ANKRD10: variants seen among roughly 807,000 people sequenced by gnomAD.
ANKRD10 encodes the protein ankyrin repeat domain 10.
Under a neutral mutation model 27.0 loss-of-function variants are expected in ANKRD10, and 14 were observed. That is an observed-to-expected ratio of 0.52 (90% CI 0.34 to 0.81). The LOEUF (loss-of-function observed/expected upper bound fraction) is 0.81, where lower values mean the gene tolerates loss of function less well. Among genes scored for constraint, ANKRD10 ranks in the 40% least tolerant of loss-of-function variants. The pLI is 0.01. For synonymous variants in ANKRD10, 250 were observed against 224.5 expected, an observed-to-expected ratio of 1.11 and a Z score of -1.01; for missense variants, 493 against 544.0, an observed-to-expected ratio of 0.91 and a Z score of 0.93.
chr13:110,887,384 G>A (rs183792978), intron 4 of ANKRD10, among the ~76,000 whole-genome samples: 1 of 152,234 alleles, frequency 6.6e-6, no homozygotes, highest in Non-Finnish European at 1.5e-5. Context: ...CCACTACAGA[G>A]GCTTATGGGA....
intron 2 of ANKRD10, among the ~76,000 whole-genome samples, chr13:110,910,057 G>C (rs188975199): frequency 2.0e-5 from 3 of 152,284 alleles, no homozygotes; most frequent in Admixed American, 1.3e-4. Context: ...ATGCGTGTGT[G>C]TTTGGTTTAG....
chr13:110,880,086 T>G lies in ANKRD10; in HGVS notation c.814A>C (p.Asn272His). 1 of 1,614,148 alleles carries G rather than the reference T, an allele frequency of 6.2e-7. No individual in the cohort carries two copies. The highest frequency in any genetic ancestry group is 1.7e-5 in the Admixed American group (1 of 60,030). Residue 272 changes from asparagine (N) to histidine (H), a missense_variant, in exon 6 of 6, where the codon AAT becomes CAT. Coordinates refer to ENST00000267339, the MANE Select transcript of ANKRD10 (RefSeq NM_017664.4). ...TDMKNSSSVS[N>H]TLTNGCVING... ...ATGACACATCCATTTGTCAATGTATTCGATACGGAGCTACTGTTTTTCATA... is the reference window on the plus strand; with the variant it reads ...ATGACACATCCATTTGTCAATGTATGCGATACGGAGCTACTGTTTTTCATA...
rs747548232 is a variant in ANKRD10 at position 110,893,105 on chromosome 13, T to A, written c.614A>T (p.His205Leu). 5.6e-6 allele frequency: 9 copies of A among 1,614,254 alleles called. No homozygotes were observed. The highest frequency in any genetic ancestry group is 7.6e-6 in the Non-Finnish European group (9 of 1,180,038). ...CTTTCGATTTGTTCCCACACTAATA[T>A]GATTAGGAAATACATTCTGATGACC... Reference protein sequence around the residue: ...NGGHQNVFPNHISVGTNRKRC... With the variant: ...NGGHQNVFPNLISVGTNRKRC... The change falls in exon 4 of 6, where the codon CAT becomes CTT. Residue 205 changes from histidine (H) to leucine (L), a missense_variant. By Grantham distance (99) the His-to-Leu change is moderately conservative (BLOSUM62 -3). Coordinates refer to ENST00000267339, the MANE Select transcript of ANKRD10 (RefSeq NM_017664.4).
At chr13:110,913,615 T>C (rs537749143) in intron 1 of ANKRD10, among the ~76,000 whole-genome samples, 4 of 152,340 alleles carry the variant, frequency 2.6e-5, no homozygotes, top group Non-Finnish European at 5.9e-5. Context: ...TTTGTGAATG[T>C]AGCACCAGGG....
At chr13:110,905,984 C>A (rs1203832489) in intron 3 of ANKRD10, 49 bp downstream of exon 3, 1 of 1,501,760 alleles carries the variant, frequency 6.7e-7, no homozygotes, top group South Asian at 1.2e-5. Flanking sequence ...TTAAACAAAA[C>A]ATCCTCAACT....
At chr13:110,900,536 A>AGTAT in intron 3 of ANKRD10, 1 of 1,336,020 alleles carries the variant, frequency 7.5e-7, no homozygotes, top group Non-Finnish European at 9.9e-7. Flanking sequence ...ATACCTCAAC[A>AGTAT]GTATGCCTCG....
intron 3 of ANKRD10, among the ~76,000 whole-genome samples, chr13:110,900,324 T>C (rs2065348756): frequency 6.6e-6 from 1 of 152,242 alleles, no homozygotes; most frequent in South Asian, 2.1e-4. Context: ...CAGGATGTTT[T>C]CTTATTGTTA....
rs143223743 is a variant in ANKRD10, at chr13:110,914,792, G to C, written c.143C>G (p.Ala48Gly). ...GAAGGAGTCCTCAGAGGCCAGGTGGGCGTGGGGTGTCTGCTGCAGCAGCGA... is the reference window on the plus strand; with the variant it reads ...GAAGGAGTCCTCAGAGGCCAGGTGGCCGTGGGGTGTCTGCTGCAGCAGCGA... ...LCSLLQQTPH[A>G]HLASEDSFYG... Residue 48 changes from alanine to glycine, a missense_variant, in exon 1 of 6, where the codon GCC (alanine) becomes GGC (glycine). Transcript: ENST00000267339. The C allele has an allele frequency of 1.3e-6, 2 of 1,596,558 alleles. No homozygotes were observed.
chr13:110,900,400 C>CT (rs2065350401), intron 3 of ANKRD10: 3 of 540,832 alleles, frequency 5.5e-6, no homozygotes, highest in Non-Finnish European at 7.3e-6. Flanking sequence ...ATTCTGATCT[C>CT]AACTTAGCTA....
chr13:110,914,420 G>A (rs1240105718), intron 1 of ANKRD10: 4 of 230,748 alleles, frequency 1.7e-5, no homozygotes, highest in Non-Finnish European at 3.3e-5. Context: ...ACAGGCGCCG[G>A]GACCCTTGGA....
chr13:110,900,518 C>G, intron 3 of ANKRD10: 1 of 1,288,954 alleles, frequency 7.8e-7, no homozygotes, highest in Non-Finnish European at 1.0e-6. Flanking sequence ...AACCAATCAC[C>G]GCAACAAATA....
chr13:110,913,888 G>C (rs1051793539), intron 1 of ANKRD10, among the ~76,000 whole-genome samples: 1 of 152,202 alleles, frequency 6.6e-6, no homozygotes. Context: ...CTTCACAGAT[G>C]AGGAAACGGT....
At chr13:110,893,396 GTAGT>G (rs1257683529) in intron 3 of ANKRD10, 133 bp from the exon 4 acceptor site, 1 of 800,330 alleles carries the variant, frequency 1.2e-6, no homozygotes, top group Non-Finnish European at 2.0e-6. Context: ...CATTAAAGAA[GTAGT>G]TAATCAATCT....
chr13:110,910,328 G>A (rs2065658697), intron 2 of ANKRD10, among the ~76,000 whole-genome samples: 1 of 152,180 alleles, frequency 6.6e-6, no homozygotes, highest in Non-Finnish European at 1.5e-5. Flanking sequence ...AGAAAGCCAG[G>A]AAACCTGGGC....
chr13:110,906,460 G>GCCAA (rs572980952), intron 2 of ANKRD10, among the ~76,000 whole-genome samples: 3 of 151,844 alleles, frequency 2.0e-5, no homozygotes, highest in South Asian at 2.1e-4. Flanking sequence ...AAACAAACAA[G>GCCAA]CCAACCAACC....
At chr13:110,880,209 A>AAATT in intron 5 of ANKRD10, 97 bp from the exon 6 acceptor site, 2 of 1,095,336 alleles carry the variant, frequency 1.8e-6, no homozygotes, top group Non-Finnish European at 2.6e-6. Flanking sequence ...AAAGAATTTT[A>AAATT]GTTTCTTTTT....
intron 2 of ANKRD10, among the ~76,000 whole-genome samples, chr13:110,907,588 T>C (rs911467877): frequency 4.6e-5 from 7 of 152,060 alleles, no homozygotes; most frequent in African/African-American, 1.7e-4. Flanking sequence ...GAGGGAAAAG[T>C]GTGCACATTT....
intron 2 of ANKRD10, among the ~76,000 whole-genome samples, chr13:110,906,836 G>A (rs990168258): frequency 7.9e-5 from 12 of 152,074 alleles, no homozygotes; most frequent in African/African-American, 2.2e-4. Context: ...GGGTGGCGGC[G>A]GTGGGGAGGT....
intron 2 of ANKRD10, among the ~76,000 whole-genome samples, chr13:110,908,656 G>A (rs943058646): frequency 1.3e-5 from 2 of 152,206 alleles, no homozygotes. Flanking sequence ...ACCTGGAGAT[G>A]AGTCAGCAGG....
Sources: allele counts gnomAD v4.1 joint callset (sites outside exome capture counted in the v4.1 genomes callset), GRCh38; gene constraint gnomAD v4.1.1; transcripts MANE v1.5; gene names NCBI Gene and HGNC (gene_info 2026-07-23, HGNC 2026-07-21).